Variants in GNA14 observed in about 807,000 individuals in gnomAD.
GNA14 encodes guanine nucleotide-binding protein subunit alpha-14.
GNA14 carries 50 observed loss-of-function variants against 42.0 expected under a neutral mutation model. The observed-to-expected ratio is 1.19, with a 90% confidence interval of 0.95 to 1.51. GNA14 has a LOEUF of 1.51. GNA14 is among the 40% of genes most tolerant of loss of function. GNA14 has a pLI of 0.00. For synonymous variants in GNA14, 173 were observed against 163.1 expected (o/e 1.06, Z -0.46); for missense variants, 473 against 446.2 (o/e 1.06, Z -0.54).
Position 77,632,977 on chromosome 9 carries a change from C to T in GNA14, c.124+14693G>A, listed in dbSNP as rs573521551. On this transcript the variant is annotated intron_variant, in intron 1 of 6. Transcript: ENST00000341700. ...AAGGTGCCACCAGCCACAGAGGTTT[C>T]CAGACAGAAAAATACCCCAAAGATC... Among the ~76,000 whole-genome samples the T allele has an allele frequency of 1.2e-4, 19 of 152,266 alleles. 1 individual carries two copies. In the East Asian group the frequency reaches 2.5e-3, roughly 20 times the overall value.
At chr9:77,565,841 C>G (rs1292786591) in intron 1 of GNA14, among the ~76,000 whole-genome samples, 1 of 152,118 alleles carries the variant, frequency 6.6e-6, no homozygotes, top group Non-Finnish European at 1.5e-5. Flanking sequence ...TGAGTCTGCT[C>G]CAAATAATGG....
chr9:77,539,065 GT>G (rs2131775076), intron 1 of GNA14, among the ~76,000 whole-genome samples: 1 of 152,310 alleles, frequency 6.6e-6, no homozygotes, highest in African/African-American at 2.4e-5. Context: ...AGTGGTGAAA[GT>G]GGGCATCCTT....
chr9:77,543,012 G>A (rs1210241324), intron 1 of GNA14, among the ~76,000 whole-genome samples: 2 of 152,172 alleles, frequency 1.3e-5, no homozygotes, highest in African/African-American at 4.8e-5. Context: ...AGAGGATGAG[G>A]CCACTCAGTG....
chr9:77,544,441 G>A (rs1268124895), intron 1 of GNA14, among the ~76,000 whole-genome samples: 1 of 152,122 alleles, frequency 6.6e-6, no homozygotes, highest in East Asian at 1.9e-4. Context: ...GGTGTCTCAC[G>A]CCTGTAATCC....
chr9:77,471,478 A>G (rs1836329082), intron 2 of GNA14, among the ~76,000 whole-genome samples: 1 of 152,176 alleles, frequency 6.6e-6, no homozygotes, highest in Non-Finnish European at 1.5e-5. Context: ...GACTGGATAA[A>G]GGAAGCATGG....
intron 1 of GNA14, among the ~76,000 whole-genome samples, chr9:77,549,329 G>A (rs919501023): frequency 4.6e-5 from 7 of 152,098 alleles, no homozygotes; most frequent in African/African-American, 1.7e-4. Context: ...AGATCCATTC[G>A]CACATTTACG....
intron 1 of GNA14, among the ~76,000 whole-genome samples, chr9:77,569,497 G>A (rs1823027189): frequency 6.6e-6 from 1 of 152,174 alleles, no homozygotes; most frequent in Admixed American, 6.5e-5. Context: ...CTGTGAACAA[G>A]ATGGACACAG....
intron 1 of GNA14, among the ~76,000 whole-genome samples, chr9:77,556,701 G>C (rs141605679): frequency 6.6e-6 from 1 of 152,132 alleles, no homozygotes; most frequent in African/African-American, 2.4e-5. Context: ...CTTGGAAATT[G>C]CCTTGTGCCA....
chr9:77,500,599 C>T (rs564137253), intron 2 of GNA14, among the ~76,000 whole-genome samples: 18 of 152,284 alleles, frequency 1.2e-4, no homozygotes, highest in African/African-American at 4.3e-4. Context: ...CACTTCCCTC[C>T]CATCCCCATC....
chr9:77,569,982 A>G (rs562018199), intron 1 of GNA14, among the ~76,000 whole-genome samples: 176 of 151,760 alleles, frequency 1.2e-3, no homozygotes, highest in Non-Finnish European at 2.2e-3. Flanking sequence ...GGTCAGTCTG[A>G]TCTCGAACTC....
chr9:77,504,056 T>A (rs146554876), intron 2 of GNA14, among the ~76,000 whole-genome samples: 1,819 of 152,244 alleles, frequency 0.012, 32 homozygotes, highest in African/African-American at 0.041. Context: ...TGGCCTCCAG[T>A]GAGACCCTAT....
chr9:77,593,415 C>T (rs891458716), intron 1 of GNA14, among the ~76,000 whole-genome samples: 7 of 151,450 alleles, frequency 4.6e-5, no homozygotes, highest in African/African-American at 9.8e-5. Context: ...GCAACCTCTA[C>T]CTCCCAGGTT....
chr9:77,446,496 G>A (rs545601602), intron 2 of GNA14, among the ~76,000 whole-genome samples: 5 of 152,290 alleles, frequency 3.3e-5, no homozygotes, highest in South Asian at 4.1e-4. Context: ...AGGTGGACCC[G>A]TGTAACTGAG....
At chr9:77,561,533 A>C (rs988227831) in intron 1 of GNA14, among the ~76,000 whole-genome samples, 4 of 152,222 alleles carry the variant, frequency 2.6e-5, no homozygotes, top group African/African-American at 9.6e-5. Flanking sequence ...TTAAAAAGGA[A>C]GGAAATGCTC....
At chr9:77,435,663 T>C (rs1313622987) in intron 2 of GNA14, among the ~76,000 whole-genome samples, 1 of 152,200 alleles carries the variant, frequency 6.6e-6, no homozygotes, top group Non-Finnish European at 1.5e-5. Context: ...ATTTATTGGC[T>C]ATGTACTATG....
intron 1 of GNA14, among the ~76,000 whole-genome samples, chr9:77,577,065 C>G (rs1436488819): frequency 6.6e-6 from 1 of 152,216 alleles, no homozygotes; most frequent in Non-Finnish European, 1.5e-5. Context: ...AACAGTTATA[C>G]TCCTATTTTC....
chr9:77,552,065 G>T (rs756093577), intron 1 of GNA14, among the ~76,000 whole-genome samples: 1 of 149,438 alleles, frequency 6.7e-6, no homozygotes, highest in African/African-American at 2.5e-5. Flanking sequence ...ACTTGAACCC[G>T]GGAGGCAGAG....
intron 1 of GNA14, among the ~76,000 whole-genome samples, chr9:77,618,599 TATATATATATATATATATATA>T (rs1247534251): frequency 0.011 from 128 of 11,644 alleles, 1 homozygote; most frequent in East Asian, 0.038. Flanking sequence ...TATATATATA[TATATATATATATATATATATA>T]TTTTTTTTTT....
chr9:77,554,147 G>T (rs772243673), intron 1 of GNA14, among the ~76,000 whole-genome samples: 1 of 152,182 alleles, frequency 6.6e-6, no homozygotes, highest in Non-Finnish European at 1.5e-5. Flanking sequence ...TGGGAAACGG[G>T]AATGGTAACA....
Sources: allele counts gnomAD v4.1 joint callset (sites outside exome capture counted in the v4.1 genomes callset), GRCh38; gene constraint gnomAD v4.1.1; transcripts MANE v1.5; gene names NCBI Gene and HGNC (gene_info 2026-07-23, HGNC 2026-07-21).